HS3ST4: variants seen among roughly 807,000 people sequenced by gnomAD.
HS3ST4 encodes the protein heparan sulfate-glucosamine 3-sulfotransferase 4.
In HS3ST4, 17 loss-of-function variants were observed where a neutral mutation model predicts 29.2. That is an observed-to-expected ratio of 0.58 (90% CI 0.40 to 0.87). HS3ST4 has a LOEUF of 0.87. HS3ST4 is among the 40% of genes least tolerant of loss of function. The pLI, the probability that HS3ST4 is intolerant of heterozygous loss-of-function variation, is 0.00. For missense variants in HS3ST4, 627 were observed against 634.5 expected (o/e 0.99, Z 0.13); for synonymous variants, 314 against 285.7 (o/e 1.10, Z -1.00).
At chr16:26,020,061 CT>C (rs776454926) in intron 1 of HS3ST4, among the ~76,000 whole-genome samples, 2 of 152,162 alleles carry the variant, frequency 1.3e-5, no homozygotes, top group Non-Finnish European at 2.9e-5. Flanking sequence ...ACCGCCCCCC[CT>C]ACCAAATACA....
chr16:25,911,745 G>A (rs1968242170), intron 1 of HS3ST4, among the ~76,000 whole-genome samples: 1 of 151,986 alleles, frequency 6.6e-6, no homozygotes, highest in South Asian at 2.1e-4. Context: ...TTGGGCTTGA[G>A]CGATCCTCCT....
chr16:26,101,900 C>A (rs936509589), intron 1 of HS3ST4, among the ~76,000 whole-genome samples: 2 of 152,102 alleles, frequency 1.3e-5, no homozygotes, highest in African/African-American at 4.8e-5. Flanking sequence ...TCTTCTCTAT[C>A]TCTTTTGCGA....
At chr16:25,708,371 C>T (rs551681049) in intron 1 of HS3ST4, among the ~76,000 whole-genome samples, 6 of 152,230 alleles carry the variant, frequency 3.9e-5, no homozygotes, top group Admixed American at 1.3e-4. Flanking sequence ...TGTGTAAAGC[C>T]GTGTTTAAAA....
chr16:25,918,724 G>C (rs1290360157), intron 1 of HS3ST4, among the ~76,000 whole-genome samples: 2 of 152,228 alleles, frequency 1.3e-5, no homozygotes, highest in East Asian at 1.9e-4. Flanking sequence ...AGAATCGCTT[G>C]AACCTGGGAG....
chr16:26,048,028 G>A (rs1466991223), intron 1 of HS3ST4, among the ~76,000 whole-genome samples: 1 of 152,202 alleles, frequency 6.6e-6, no homozygotes, highest in East Asian at 1.9e-4. Flanking sequence ...GGAAGTCCAA[G>A]ATCAAGGTGT....
intron 1 of HS3ST4, among the ~76,000 whole-genome samples, chr16:25,961,257 G>A (rs1968790413): frequency 6.6e-6 from 1 of 152,186 alleles, no homozygotes; most frequent in Admixed American, 6.5e-5. Flanking sequence ...GTGGAAGGCA[G>A]GAGAATGTTA....
intron 1 of HS3ST4, among the ~76,000 whole-genome samples, chr16:25,809,951 A>AT (rs759975817): frequency 1.2e-4 from 18 of 151,292 alleles, no homozygotes; most frequent in Non-Finnish European, 1.2e-4. Flanking sequence ...TGTTTCATTG[A>AT]TTTTTTTCCT....
chr16:26,016,503 A>G (rs537857127), intron 1 of HS3ST4, among the ~76,000 whole-genome samples: 1 of 152,318 alleles, frequency 6.6e-6, no homozygotes, highest in African/African-American at 2.4e-5. Flanking sequence ...TATCATTAGC[A>G]TATCATCCTC....
chr16:25,925,562 T>C (rs1968393971), intron 1 of HS3ST4, among the ~76,000 whole-genome samples: 2 of 152,124 alleles, frequency 1.3e-5, no homozygotes, highest in South Asian at 4.1e-4. Flanking sequence ...AAACCTCTTG[T>C]GTCGTCTCAG....
At chr16:25,931,840 G>A (rs1320598205) in intron 1 of HS3ST4, among the ~76,000 whole-genome samples, 1 of 152,202 alleles carries the variant, frequency 6.6e-6, no homozygotes, top group Non-Finnish European at 1.5e-5. Context: ...TCTGGGGGCT[G>A]CTCCTGCTAT....
chr16:26,080,817 T>C (rs775248341), intron 1 of HS3ST4, among the ~76,000 whole-genome samples: 12 of 152,134 alleles, frequency 7.9e-5, no homozygotes, highest in African/African-American at 2.9e-4. Flanking sequence ...CAGATGCCGG[T>C]TGTTGCTACT....
chr16:25,751,861 G>A (rs368539408), intron 1 of HS3ST4, among the ~76,000 whole-genome samples: 6 of 152,166 alleles, frequency 3.9e-5, no homozygotes, highest in East Asian at 1.9e-4. Flanking sequence ...TGGAGCAATC[G>A]GGAGCAATCC....
intron 1 of HS3ST4, among the ~76,000 whole-genome samples, chr16:25,790,833 A>G (rs1315802867): frequency 1.3e-5 from 2 of 152,158 alleles, no homozygotes; most frequent in Admixed American, 6.5e-5. Flanking sequence ...AATATATTCA[A>G]CTAGTCTGTG....
At chr16:25,968,106 G>C (rs1968861383) in intron 1 of HS3ST4, among the ~76,000 whole-genome samples, 1 of 152,094 alleles carries the variant, frequency 6.6e-6, no homozygotes. Context: ...AAGGATGCTG[G>C]CTGGGGCAGA....
chr16:25,790,952 T>C (rs1281720318), intron 1 of HS3ST4, among the ~76,000 whole-genome samples: 1 of 152,206 alleles, frequency 6.6e-6, no homozygotes, highest in Non-Finnish European at 1.5e-5. Context: ...TTCATCCTGC[T>C]TAAAAATTAA....
chr16:26,009,520 A>G (rs2141738684), intron 1 of HS3ST4, among the ~76,000 whole-genome samples: 1 of 152,336 alleles, frequency 6.6e-6, no homozygotes, highest in East Asian at 1.9e-4. Context: ...CAGTGACTTA[A>G]CACAGTAAAG....
At chr16:25,947,548 A>AT (rs35020718) in intron 1 of HS3ST4, among the ~76,000 whole-genome samples, 347 of 151,018 alleles carry the variant, frequency 2.3e-3, no homozygotes, top group Admixed American at 4.2e-3. Context: ...GTCATGCTTT[A>AT]TTTTTTTTTA....
At chr16:25,742,009 G>A (rs1212940264) in intron 1 of HS3ST4, among the ~76,000 whole-genome samples, 3 of 152,170 alleles carry the variant, frequency 2.0e-5, no homozygotes, top group Admixed American at 6.5e-5. Context: ...GACATAGTGA[G>A]TGTTTCTCAT....
At chr16:25,765,680 G>A (rs1443659561) in intron 1 of HS3ST4, among the ~76,000 whole-genome samples, 1 of 152,122 alleles carries the variant, frequency 6.6e-6, no homozygotes, top group African/African-American at 2.4e-5. Flanking sequence ...CAGTCCCAGG[G>A]GAGCACCCTC....
Sources: allele counts gnomAD v4.1 joint callset (sites outside exome capture counted in the v4.1 genomes callset), GRCh38; gene constraint gnomAD v4.1.1; transcripts MANE v1.5; gene names NCBI Gene and HGNC (gene_info 2026-07-23, HGNC 2026-07-21).